GNRHR: variants seen among roughly 807,000 people sequenced by gnomAD.
GNRHR encodes gonadotropin releasing hormone receptor.
GNRHR carries 14 observed loss-of-function variants against 28.1 expected under a neutral mutation model. The observed-to-expected ratio is 0.50, with a 90% CI of 0.33 to 0.78. GNRHR has a LOEUF of 0.78. Among genes scored for constraint, GNRHR ranks in the 30% least tolerant of loss-of-function variants. The probability of loss-of-function intolerance (pLI) is 0.02; values close to 1 mark genes in which losing one functional copy is unlikely to be tolerated. For missense variants in GNRHR, 366 were observed against 382.1 expected (o/e 0.96, Z 0.35); for synonymous variants, 141 against 140.5 (o/e 1.00, Z -0.02).
intron 2 of GNRHR, among the ~76,000 whole-genome samples, chr4:67,742,880 G>C (rs1350800924): frequency 6.6e-6 from 1 of 152,086 alleles, no homozygotes; most frequent in African/African-American, 2.4e-5. Flanking sequence ...ATTAAATACA[G>C]ACTGATTATG....
chr4:67,749,893 A>G (rs1419818636), intron 1 of GNRHR, among the ~76,000 whole-genome samples: 2 of 152,152 alleles, frequency 1.3e-5, no homozygotes, highest in Non-Finnish European at 1.5e-5. Flanking sequence ...CCACTTTTAT[A>G]TAAGCATTTC....
chr4:67,741,666 A>G (rs148964181), intron 2 of GNRHR, among the ~76,000 whole-genome samples: 12,357 of 152,228 alleles, frequency 0.081, 668 homozygotes, highest in Middle Eastern at 0.14. Flanking sequence ...CATTCCCACC[A>G]ACAGTGTAAA....
chr4:67,745,879 T>A (rs1200091939), intron 1 of GNRHR, among the ~76,000 whole-genome samples: 1 of 152,052 alleles, frequency 6.6e-6, no homozygotes. Flanking sequence ...AGAGACATTT[T>A]ACAAAATGAC....
Position 67,754,184 on chromosome 4 carries a change from G to A in GNRHR, c.152C>T (p.Thr51Ile), listed in dbSNP as rs778408478. 4 of 1,614,026 alleles carry A rather than the reference G, an allele frequency of 2.5e-6. No individual in the cohort carries two copies. Among genetic ancestry groups the A allele is most frequent in the African/African-American group, 2.7e-5 (2 of 74,926 alleles). The change falls in exon 1 of 3, where the codon ACC (threonine) becomes ATC (isoleucine). Residue 51 changes from threonine to isoleucine, a missense_variant. Transcript: ENST00000226413. The stretch of plus-strand genomic sequence containing the variant: ...TTTCAACAAGAAAGAAGCATTAAAG[G>A]TCGCAGAGAGCAGAAAAAGGAAGAA... ...VTFFLFLLSATFNASFLLKLQ... is the reference protein window; with the variant it reads ...VTFFLFLLSAIFNASFLLKLQ...
rs532823956 is a variant in GNRHR, at chr4:67,754,165, C to T, written c.171G>A (p.Leu57=). Residue 57 remains leucine, a synonymous_variant, in exon 1 of 3, where the codon TTG becomes TTA. Transcript: ENST00000226413. ...LLSATFNASF[L]LKLQKWTQKK... ...TCTGTGTCCACTTCTGAAGTTTCAA[C>T]AAGAAAGAAGCATTAAAGGTCGCAG... 7 of 1,613,968 alleles carry T rather than the reference C, an allele frequency of 4.3e-6. No homozygotes were observed. Among genetic ancestry groups the T allele is most frequent in the African/African-American group, 2.7e-5 (2 of 75,024 alleles).
rs1369539110 is a variant in GNRHR at position 67,737,792 on chromosome 4, G to A, written c.*2688C>T. Among the ~76,000 whole-genome samples the A allele has an allele frequency of 6.6e-6, 1 of 151,820 alleles. No individual in the cohort carries two copies. Among genetic ancestry groups the A allele is most frequent in the African/African-American group, 2.4e-5 (1 of 41,400 alleles). ...TAACTAGTTTTATAGGCTAAGTAAA[G>A]GAAGAGAAACCAAGATAGAATCTCC... On this transcript the variant is annotated 3_prime_UTR_variant, in exon 3 of 3. Transcript: ENST00000226413.
At position 67,744,560 on chromosome 4, in the gene GNRHR, A is replaced by AT; in HGVS notation, c.742+7dup. The AT allele has an allele frequency of 5.3e-6, 8 of 1,511,922 alleles. No individual in the cohort carries two copies. Among genetic ancestry groups the AT allele is most frequent in the Non-Finnish European group, 6.4e-6 (7 of 1,086,546 alleles). 93.7% of individuals were successfully genotyped at this position (1,511,922 alleles called of 1,614,324 possible). On this transcript the variant is annotated splice_region_variant and intron_variant, in intron 2 of 2. Transcript: ENST00000226413. ...CCACAAATGACACTAACTCTAAGGA[A>AT]TACATACCGTGGGGGTCCTGATGAA...
At chr4:67,747,109 G>T (rs1179806418) in intron 1 of GNRHR, 1 of 152,098 alleles carries the variant, frequency 6.6e-6, no homozygotes, top group African/African-American at 2.4e-5. Context: ...ACTTCACGTA[G>T]AACCTGAGAA....
chr4:67,743,035 C>CT (rs1415051256), intron 2 of GNRHR, among the ~76,000 whole-genome samples: 2 of 152,000 alleles, frequency 1.3e-5, no homozygotes, highest in Non-Finnish European at 2.9e-5. Context: ...TCACTGCAGC[C>CT]TTTGCCTCCT....
rs145106720 is a variant in GNRHR at position 67,745,646 on chromosome 4, C to A, written c.523-859G>T. Reference sequence around the variant, plus strand: ...GAGGAGAACAGGATGTTTACAAAATCTCAAAGTATCAGTCTGCAGGTTACT... The same window carrying A: ...GAGGAGAACAGGATGTTTACAAAATATCAAAGTATCAGTCTGCAGGTTACT... On this transcript the variant is annotated intron_variant, in intron 1 of 2. Transcript: ENST00000226413. Among the ~76,000 whole-genome samples the A allele has an allele frequency of 2.4e-3, 371 of 152,098 alleles. 1 individual carries two copies. The highest frequency in any genetic ancestry group is 8.5e-3 in the African/African-American group (351 of 41,512).
rs104893841 is a variant in GNRHR at position 67,740,526 on chromosome 4, A to T, written c.941T>A (p.Leu314Ter). Residue 314 changes from leucine to a stop codon, truncating the protein, a stop_gained, in exon 3 of 3, where the codon TTA (leucine) becomes TAA (stop). Coordinates refer to ENST00000226413, the MANE Select transcript of GNRHR (RefSeq NM_000406.3). LOFTEE classifies it high-confidence loss of function. Reference sequence around the variant, plus strand: ...GATAAGTGGATCAAAGCATGGGTTTAAAAAGGCAAAGAGAAAGAAGAAGTG... The same window carrying T: ...GATAAGTGGATCAAAGCATGGGTTTTAAAAGGCAAAGAGAAAGAAGAAGTG... ...VNHFFFLFAF[L>*]NPCFDPLIYG... 1 of 1,605,826 alleles carries T rather than the reference A, an allele frequency of 6.2e-7. No individual in the cohort carries two copies. The highest frequency in any genetic ancestry group is 8.5e-7 in the Non-Finnish European group (1 of 1,172,490).
Position 67,754,029 on chromosome 4 carries a change from T to C in GNRHR, c.307A>G (p.Ile103Val). The change falls in exon 1 of 3, where the codon ATT (isoleucine) becomes GTT (valine). Residue 103 changes from isoleucine (I) to valine (V), a missense_variant. Physicochemically the swap from Ile to Val is conservative, Grantham distance 29 (BLOSUM62 3). Transcript: ENST00000226413. ...IVMPLDGMWN[I>V]TVQWYAGELL... Reference sequence around the variant, plus strand: ...TCTCCAGCATACCATTGGACTGTAATGTTCCACATCCCATCCAGTGGCATG... The same window carrying C: ...TCTCCAGCATACCATTGGACTGTAACGTTCCACATCCCATCCAGTGGCATG... 6.2e-7 allele frequency: 1 copy of C among 1,613,760 alleles called. No homozygotes were observed. Among genetic ancestry groups the C allele is most frequent in the Non-Finnish European group, 8.5e-7 (1 of 1,179,650 alleles).
At position 67,746,493 on chromosome 4, in the gene GNRHR, C is replaced by G. The variant is rs369331773; in HGVS notation, c.523-1706G>C. 1.6e-4 allele frequency among the ~76,000 whole-genome samples: 25 copies of G among 151,912 alleles called. No homozygotes were observed. The South Asian group carries it at 2.9e-3, about 18-fold the overall frequency. ...TTACCTACTTATTTATAAGCTTTTC[C>G]CCTGAGAAGTTTCATTTTACTGTGA... On this transcript the variant is annotated intron_variant, in intron 1 of 2. Coordinates refer to ENST00000226413, the MANE Select transcript of GNRHR (RefSeq NM_000406.3).
chr4:67,751,197 GAA>G (rs1731860097), intron 1 of GNRHR, among the ~76,000 whole-genome samples: 1 of 152,170 alleles, frequency 6.6e-6, no homozygotes, highest in Non-Finnish European at 1.5e-5. Context: ...ATGTGTGAGA[GAA>G]AGAGACAGAG....
Position 67,743,258 on chromosome 4 carries a change from C to T in GNRHR, c.742+1310G>A, listed in dbSNP as rs951822660. On this transcript the variant is annotated intron_variant, in intron 2 of 2. Coordinates refer to ENST00000226413, the MANE Select transcript of GNRHR (RefSeq NM_000406.3). The stretch of plus-strand genomic sequence containing the variant: ...TGAGCCACCGCACCTGGCCTTCACA[C>T]ACTATCGTTTAATCCTCAATATCTG... 5.9e-5 allele frequency among the ~76,000 whole-genome samples: 9 copies of T among 152,154 alleles called. No individual in the cohort carries two copies. In the East Asian group the frequency reaches 1.3e-3, roughly 23 times the overall value.
rs566465436 is a variant in GNRHR, at chr4:67,739,750, A to G, written c.*730T>C. 2.6e-5 allele frequency: 4 copies of G among 152,146 alleles called. No individual in the cohort carries two copies. In the South Asian group the frequency reaches 8.3e-4, roughly 32 times the overall value. 9.4% of individuals were successfully genotyped at this position (152,146 alleles called of 1,614,324 possible). A position where few individuals can be genotyped will look rare whatever the true frequency, so the allele number is the denominator to read the frequency against. Reference sequence around the variant, plus strand: ...CAATTAATTGCCACAAACTCCACAGACTAGATAGCTTAGAGGAATGTTCTA... The same window carrying G: ...CAATTAATTGCCACAAACTCCACAGGCTAGATAGCTTAGAGGAATGTTCTA... On this transcript the variant is annotated 3_prime_UTR_variant, in exon 3 of 3. Coordinates refer to ENST00000226413, the MANE Select transcript of GNRHR (RefSeq NM_000406.3).
intron 1 of GNRHR, among the ~76,000 whole-genome samples, chr4:67,752,849 T>G (rs1250398365): frequency 6.6e-6 from 1 of 152,066 alleles, no homozygotes; most frequent in African/African-American, 2.4e-5. Context: ...TAAAAAAAAG[T>G]CTAGATAAAT....
chr4:67,745,753 C>T lies in GNRHR; in HGVS notation c.523-966G>A, dbSNP rs942673126. 2.0e-5 allele frequency among the ~76,000 whole-genome samples: 3 copies of T among 152,038 alleles called. No homozygotes were observed. In the East Asian group the frequency reaches 5.8e-4, roughly 29 times the overall value. On this transcript the variant is annotated intron_variant, in intron 1 of 2. Transcript: ENST00000226413. ...ATGTTAACATTGCCAATAATAGGAC[C>T]TATTGACAATGTCTGTCTCCTTATG... is the stretch of plus-strand genomic sequence containing the variant.
chr4:67,753,752 T>A, intron 1 of GNRHR, 62 bp downstream of exon 1: 1 of 1,390,988 alleles, frequency 7.2e-7, no homozygotes, highest in South Asian at 1.2e-5. Flanking sequence ...AGACCTTATA[T>A]CAAATTTAGA....
Sources: allele counts gnomAD v4.1 joint callset (sites outside exome capture counted in the v4.1 genomes callset), GRCh38; gene constraint gnomAD v4.1.1; transcripts MANE v1.5; gene names NCBI Gene and HGNC (gene_info 2026-07-23, HGNC 2026-07-21).